RNF216: variants seen among roughly 807,000 people sequenced by gnomAD.
RNF216 encodes the protein E3 ubiquitin-protein ligase RNF216.
In RNF216, 72 loss-of-function variants were observed where a neutral mutation model predicts 110.8. That is an observed-to-expected ratio of 0.65 (90% CI 0.54 to 0.79). The LOEUF (loss-of-function observed/expected upper bound fraction) is 0.79, where lower values mean the gene tolerates loss of function less well. Among genes scored for constraint, RNF216 ranks in the 30% least tolerant of loss-of-function variants. RNF216 has a pLI of 0.00. For synonymous variants in RNF216, 495 were observed against 407.5 expected (o/e 1.21, Z -2.59); for missense variants, 1,342 against 1,141.2 (o/e 1.18, Z -2.54).
intron 13 of RNF216, among the ~76,000 whole-genome samples, chr7:5,676,343 G>C (rs1584431326): frequency 1.3e-5 from 2 of 152,194 alleles, no homozygotes; most frequent in African/African-American, 2.4e-5. Context: ...TTTCTCTCCA[G>C]CTATATACCT....
chr7:5,659,875 G>A (rs895666487), intron 13 of RNF216, among the ~76,000 whole-genome samples: 11 of 151,952 alleles, frequency 7.2e-5, no homozygotes, highest in Non-Finnish European at 1.3e-4. Flanking sequence ...TTAAGAAGAA[G>A]AGAACCACAT....
At chr7:5,655,853 C>T (rs764416884) in intron 13 of RNF216, among the ~76,000 whole-genome samples, 24 of 152,084 alleles carry the variant, frequency 1.6e-4, no homozygotes, top group African/African-American at 5.1e-4. Context: ...TACGAAGAAA[C>T]GCTCTTGAAT....
chr7:5,725,418 T>C lies in RNF216; in HGVS notation c.1410A>G (p.Lys470=). ...TTTCTGGTGACAGCTCCTGCCATTT[T>C]TTAATGGCATCAGACAAGGCCTAAA... The part of the protein sequence containing the change: ...ITRKALSDAI[K]KWQELSPETS... Residue 470 remains lysine (K), a synonymous_variant, in exon 8 of 17, where the codon AAA becomes AAG. Coordinates refer to ENST00000389902, the MANE Select transcript of RNF216 (RefSeq NM_207111.4). 1 of 1,610,832 alleles carries C rather than the reference T, an allele frequency of 6.2e-7. No individual in the cohort carries two copies. The highest frequency in any genetic ancestry group is 8.5e-7 in the Non-Finnish European group (1 of 1,177,050).
intron 1 of RNF216, among the ~76,000 whole-genome samples, chr7:5,778,001 C>T (rs1796878358): frequency 6.6e-6 from 1 of 152,210 alleles, no homozygotes. Context: ...ACTGAATCTT[C>T]TGTGACCAAA....
At chr7:5,676,122 G>A (rs1168306821) in intron 13 of RNF216, among the ~76,000 whole-genome samples, 7 of 151,414 alleles carry the variant, frequency 4.6e-5, no homozygotes, top group Non-Finnish European at 8.8e-5. Context: ...AGTGATTCTC[G>A]TCTCAGCCTT....
At chr7:5,721,410 C>A (rs958054036) in intron 8 of RNF216, among the ~76,000 whole-genome samples, 1 of 152,224 alleles carries the variant, frequency 6.6e-6, no homozygotes, top group African/African-American at 2.4e-5. Flanking sequence ...TGGAAGGCAT[C>A]TCCTATCCTG....
In RNF216 at chr7:5,655,671, A is replaced by C. The variant is rs78222121; in HGVS notation, c.2062-3161T>G. Among the ~76,000 whole-genome samples the C allele has an allele frequency of 1.2e-3, 185 of 152,178 alleles. 4 individuals carry two copies. In the East Asian group the frequency reaches 0.032, roughly 27 times the overall value. On this transcript the variant is annotated intron_variant, in intron 13 of 16. Transcript: ENST00000389902. The stretch of plus-strand genomic sequence containing the variant: ...AGCTAGATATGAAACCCACAATTAA[A>C]ATAAGGCAAGCAAACACCAGGCTGG...
At chr7:5,781,516 A>G (rs1053845358) in intron 1 of RNF216, 25 bp downstream of exon 1, 2 of 149,144 alleles carry the variant, frequency 1.3e-5, no homozygotes, top group African/African-American at 5.0e-5. Context: ...CAGGAGCTCG[A>G]GCGCGCCCCG....
chr7:5,774,728 G>GAA (rs66824944), intron 1 of RNF216, among the ~76,000 whole-genome samples: 1 of 151,144 alleles, frequency 6.6e-6, no homozygotes, highest in East Asian at 1.9e-4. Context: ...TTCAAGGGGG[G>GAA]AAAAAATCTT....
At chr7:5,725,790 C>T (rs1458536482) in intron 7 of RNF216, among the ~76,000 whole-genome samples, 18 of 142,588 alleles carry the variant, frequency 1.3e-4, no homozygotes, top group Non-Finnish European at 2.2e-4. Flanking sequence ...GCGGAGGTCG[C>T]AGTGAGCCGA....
intron 1 of RNF216, among the ~76,000 whole-genome samples, chr7:5,780,642 T>G (rs1797029186): frequency 6.6e-6 from 1 of 151,520 alleles, no homozygotes; most frequent in African/African-American, 2.4e-5. Flanking sequence ...GAGGCAGAGC[T>G]TGCAGTGAGC....
At chr7:5,768,230 C>T (rs568973727) in intron 1 of RNF216, among the ~76,000 whole-genome samples, 64 of 149,788 alleles carry the variant, frequency 4.3e-4, no homozygotes, top group Admixed American at 9.4e-4. Context: ...GCAGGAGGAT[C>T]ACTTGAGCCC....
intron 3 of RNF216, among the ~76,000 whole-genome samples, chr7:5,744,369 C>A (rs1003437827): frequency 3.1e-4 from 47 of 151,900 alleles, no homozygotes; most frequent in African/African-American, 1.1e-3. Context: ...TAAGAGAACA[C>A]GTCAAGAACA....
intron 5 of RNF216, among the ~76,000 whole-genome samples, chr7:5,737,082 AG>A (rs1794463472): frequency 1.3e-5 from 2 of 152,240 alleles, no homozygotes; most frequent in South Asian, 4.1e-4. Flanking sequence ...CGAATAGAAA[AG>A]GGGGAAATGT....
At chr7:5,751,135 T>A (rs1039827282) in intron 3 of RNF216, among the ~76,000 whole-genome samples, 1 of 152,116 alleles carries the variant, frequency 6.6e-6, no homozygotes, top group Non-Finnish European at 1.5e-5. Context: ...GTTTTAAATG[T>A]TTCCATACAG....
intron 13 of RNF216, among the ~76,000 whole-genome samples, chr7:5,707,306 T>C (rs1562412415): frequency 6.6e-6 from 1 of 152,230 alleles, no homozygotes; most frequent in Non-Finnish European, 1.5e-5. Context: ...TCTTTAATTA[T>C]TTCAGCAGTT....
chr7:5,695,535 T>C (rs1252356946), intron 13 of RNF216, among the ~76,000 whole-genome samples: 1 of 152,218 alleles, frequency 6.6e-6, no homozygotes, highest in Non-Finnish European at 1.5e-5. Context: ...GCCGGTCTCC[T>C]GCTCTCTCTC....
intron 13 of RNF216, among the ~76,000 whole-genome samples, chr7:5,667,825 C>T (rs1789626085): frequency 6.6e-6 from 1 of 152,178 alleles, no homozygotes; most frequent in Non-Finnish European, 1.5e-5. Flanking sequence ...CCTCCTCATG[C>T]CCAGGCTGAC....
At chr7:5,744,128 T>C (rs1052167561) in intron 3 of RNF216, among the ~76,000 whole-genome samples, 2 of 151,980 alleles carry the variant, frequency 1.3e-5, no homozygotes, top group African/African-American at 4.8e-5. Context: ...TAACAGCATG[T>C]TTAGGGAAAT....
Sources: gnomAD v4.1 joint callset for allele counts (sites outside exome capture counted in the v4.1 genomes callset) on GRCh38, gnomAD v4.1.1 for gene constraint, MANE v1.5 for transcripts, NCBI Gene and HGNC (gene_info 2026-07-23, HGNC 2026-07-21) for gene names.